RIMS1: variants seen among roughly 807,000 people sequenced by gnomAD.
RIMS1 encodes regulating synaptic membrane exocytosis 1.
RIMS1 carries 83 observed loss-of-function variants against 214.1 expected under a neutral mutation model. That is an observed-to-expected ratio of 0.39 (90% CI 0.32 to 0.47). The LOEUF (loss-of-function observed/expected upper bound fraction) is 0.47, where lower values mean the gene tolerates loss of function less well. Among genes scored for constraint, RIMS1 ranks in the 20% least tolerant of loss-of-function variants. RIMS1 has a pLI of 0.99. For synonymous variants in RIMS1, 793 were observed against 786.8 expected, an observed-to-expected ratio of 1.01 and a Z score of -0.13; for missense variants, 2,050 against 2,161.8, an observed-to-expected ratio of 0.95 and a Z score of 1.03.
chr6:72,311,271 A>C (rs1359956729), intron 27 of RIMS1, among the ~76,000 whole-genome samples: 1 of 152,204 alleles, frequency 6.6e-6, no homozygotes, highest in Non-Finnish European at 1.5e-5. Context: ...AAAACCAATA[A>C]TACAGGAGTT....
At position 72,402,245 on chromosome 6, in the gene RIMS1, A is replaced by G. The variant is rs968489948; in HGVS notation, c.*1531A>G. 2.6e-5 allele frequency: 4 copies of G among 152,664 alleles called. No homozygotes were observed. Among genetic ancestry groups the G allele is most frequent in the Admixed American group, 2.6e-4 (4 of 15,288 alleles). 9.5% of individuals were successfully genotyped at this position (152,664 alleles called of 1,614,324 possible). On this transcript the variant is annotated 3_prime_UTR_variant, in exon 34 of 34. Coordinates refer to ENST00000521978, the MANE Select transcript of RIMS1 (RefSeq NM_014989.7). Reference sequence around the variant, plus strand: ...ATAGGCCAGCTTGTATGTTGCATGTACTTGTACAGTTTGCTTGTTAATTAC... The same window carrying G: ...ATAGGCCAGCTTGTATGTTGCATGTGCTTGTACAGTTTGCTTGTTAATTAC...
intron 4 of RIMS1, among the ~76,000 whole-genome samples, chr6:72,108,695 T>A (rs1460067752): frequency 6.6e-6 from 1 of 151,892 alleles, no homozygotes; most frequent in Non-Finnish European, 1.5e-5. Flanking sequence ...TTATTTTATT[T>A]TATTTTATTT....
intron 4 of RIMS1, among the ~76,000 whole-genome samples, chr6:72,151,916 G>A (rs527383238): frequency 7.2e-5 from 11 of 152,268 alleles, no homozygotes; most frequent in East Asian, 1.9e-4. Context: ...CAAACATGGT[G>A]GGAGGCAAAG....
At chr6:71,901,298 A>G (rs1285862233) in intron 1 of RIMS1, among the ~76,000 whole-genome samples, 3 of 152,124 alleles carry the variant, frequency 2.0e-5, no homozygotes, top group African/African-American at 7.2e-5. Context: ...CACTGACAAA[A>G]AGACTTATTT....
intron 1 of RIMS1, among the ~76,000 whole-genome samples, chr6:71,934,348 G>A (rs1783925214): frequency 6.6e-6 from 1 of 152,154 alleles, no homozygotes; most frequent in Non-Finnish European, 1.5e-5. Flanking sequence ...AATATAGGTT[G>A]CGATGAATCA....
At chr6:71,999,097 T>C (rs1414143722) in intron 2 of RIMS1, among the ~76,000 whole-genome samples, 1 of 152,136 alleles carries the variant, frequency 6.6e-6, no homozygotes, top group East Asian at 1.9e-4. Flanking sequence ...TCTCTGACTA[T>C]AGAAATATCT....
intron 4 of RIMS1, among the ~76,000 whole-genome samples, chr6:72,169,381 C>G (rs2046711101): frequency 6.6e-6 from 1 of 152,022 alleles, no homozygotes. Context: ...TTCATGAAGC[C>G]TATTTAAGTA....
chr6:72,113,190 G>A (rs1249682986), intron 4 of RIMS1, among the ~76,000 whole-genome samples: 1 of 152,044 alleles, frequency 6.6e-6, no homozygotes, highest in South Asian at 2.1e-4. Context: ...CTTGCTCTAG[G>A]ATCATGTGTC....
intron 6 of RIMS1, among the ~76,000 whole-genome samples, chr6:72,195,046 G>C (rs2050651049): frequency 6.6e-6 from 1 of 151,664 alleles, no homozygotes; most frequent in Non-Finnish European, 1.5e-5. Flanking sequence ...CTGAAGATTC[G>C]TGCCTGTGAG....
chr6:71,922,780 G>A (rs1362250281), intron 1 of RIMS1, among the ~76,000 whole-genome samples: 4 of 152,176 alleles, frequency 2.6e-5, no homozygotes, highest in Admixed American at 6.5e-5. Flanking sequence ...AAATGGAGTA[G>A]GATGTTAGTA....
intron 1 of RIMS1, among the ~76,000 whole-genome samples, chr6:71,922,708 G>A (rs956020823): frequency 6.6e-6 from 1 of 152,192 alleles, no homozygotes; most frequent in Non-Finnish European, 1.5e-5. Flanking sequence ...AGAAAAAGGA[G>A]GAGAAGGAAA....
At chr6:72,262,593 G>C (rs1441011498) in intron 19 of RIMS1, 2 of 954,878 alleles carry the variant, frequency 2.1e-6, no homozygotes, top group East Asian at 2.3e-4. Context: ...AAAAATACGT[G>C]CATGTATGTA....
At position 72,258,202 on chromosome 6, in the gene RIMS1, C is replaced by T. The variant is rs1266084764; in HGVS notation, c.2848C>T (p.Arg950Cys). ...AGAACAGCAAAGAACAACTCATCACCGCTCACGTTCAGTATCTCCTCATCG... is the reference window on the plus strand; with the variant it reads ...AGAACAGCAAAGAACAACTCATCACTGCTCACGTTCAGTATCTCCTCATCG... Reference protein sequence around the residue: ...VPEQQRTTHHRSRSVSPHRGN... With the variant: ...VPEQQRTTHHCSRSVSPHRGN... The change falls in exon 17 of 34, where the codon CGC (arginine) becomes TGC (cysteine). Residue 950 changes from arginine to cysteine, a missense_variant. Physicochemically the swap from Arg to Cys is radical, Grantham distance 180. Coordinates refer to ENST00000521978, the MANE Select transcript of RIMS1 (RefSeq NM_014989.7). The T allele has an allele frequency of 1.2e-6, 2 of 1,613,290 alleles. No individual in the cohort carries two copies. The highest frequency in any genetic ancestry group is 8.5e-7 in the Non-Finnish European group (1 of 1,179,542).
At chr6:72,239,938 A>G (rs536214506) in intron 9 of RIMS1, among the ~76,000 whole-genome samples, 2 of 150,418 alleles carry the variant, frequency 1.3e-5, no homozygotes, top group South Asian at 2.1e-4. Context: ...TTCACAATTC[A>G]TCTGAAGTTG....
At chr6:72,042,738 T>C (rs886925539) in intron 2 of RIMS1, among the ~76,000 whole-genome samples, 5 of 151,838 alleles carry the variant, frequency 3.3e-5, no homozygotes, top group African/African-American at 1.2e-4. Context: ...GTTCTATCTT[T>C]AGGAGTATTT....
At chr6:72,094,202 C>T (rs146090044) in intron 2 of RIMS1, among the ~76,000 whole-genome samples, 2 of 152,190 alleles carry the variant, frequency 1.3e-5, no homozygotes, top group Non-Finnish European at 2.9e-5. Context: ...TTGGCTGCTA[C>T]AAAGGAAGTG....
chr6:72,083,865 C>A (rs1834011952), intron 2 of RIMS1, among the ~76,000 whole-genome samples: 1 of 152,110 alleles, frequency 6.6e-6, no homozygotes, highest in Non-Finnish European at 1.5e-5. Flanking sequence ...AGAAATAGAA[C>A]TAGATTTGAT....
intron 29 of RIMS1, among the ~76,000 whole-genome samples, chr6:72,354,667 ACT>A (rs1323736440): frequency 2.6e-5 from 4 of 152,192 alleles, no homozygotes; most frequent in African/African-American, 9.7e-5. Flanking sequence ...TTTTCCTAGT[ACT>A]GTTTTGCTAT....
At chr6:71,913,366 G>A (rs1020947467) in intron 1 of RIMS1, among the ~76,000 whole-genome samples, 2 of 152,126 alleles carry the variant, frequency 1.3e-5, no homozygotes, top group South Asian at 4.1e-4. Flanking sequence ...AGCACCAAAT[G>A]TATTTTGACA....
Sources: allele counts gnomAD v4.1 joint callset (sites outside exome capture counted in the v4.1 genomes callset), GRCh38; gene constraint gnomAD v4.1.1; transcripts MANE v1.5; gene names NCBI Gene and HGNC (gene_info 2026-07-23, HGNC 2026-07-21).